Variants in WSB2 observed in about 807,000 individuals in gnomAD.
WSB2 encodes WD repeat and SOCS box-containing protein 2.
Under a neutral mutation model 48.8 loss-of-function variants are expected in WSB2, and 12 were observed. The observed-to-expected ratio is 0.25, with a 90% CI of 0.16 to 0.40. WSB2 has a LOEUF of 0.40. Among genes scored for constraint, WSB2 ranks in the 10% least tolerant of loss-of-function variants. The pLI, the probability that WSB2 is intolerant of heterozygous loss-of-function variation, is 1.00. For synonymous variants in WSB2, 191 were observed against 203.1 expected, an observed-to-expected ratio of 0.94 and a Z score of 0.51; for missense variants, 317 against 506.2, an observed-to-expected ratio of 0.63 and a Z score of 3.59.
At chr12:118,039,802 G>A (rs979612523) in intron 4 of WSB2, among the ~76,000 whole-genome samples, 6 of 151,430 alleles carry the variant, frequency 4.0e-5, no homozygotes, top group African/African-American at 1.5e-4. Flanking sequence ...GGAGTGCAAT[G>A]GCATGATCCC....
At chr12:118,037,509 A>G (rs2031539416) in intron 5 of WSB2, among the ~76,000 whole-genome samples, 1 of 152,108 alleles carries the variant, frequency 6.6e-6, no homozygotes, top group South Asian at 2.1e-4. Flanking sequence ...TCTACTAAAA[A>G]TACAAAAAAT....
chr12:118,049,462 C>G (rs957328381), intron 2 of WSB2, among the ~76,000 whole-genome samples: 9 of 151,590 alleles, frequency 5.9e-5, no homozygotes, highest in African/African-American at 2.2e-4. Context: ...AGTGCAGTGG[C>G]GCGATCTCAG....
intron 1 of WSB2, among the ~76,000 whole-genome samples, chr12:118,053,641 C>G (rs2031897228): frequency 2.6e-5 from 4 of 152,120 alleles, no homozygotes; most frequent in Admixed American, 6.6e-5. Context: ...ATTGACTGAC[C>G]CACAGTTCCT....
chr12:118,046,497 T>A (rs1444900104), intron 2 of WSB2, among the ~76,000 whole-genome samples: 1 of 151,458 alleles, frequency 6.6e-6, no homozygotes, highest in African/African-American at 2.4e-5. Context: ...AGAAAAAATT[T>A]GTCAACCTCT....
chr12:118,042,921 C>T lies in WSB2; in HGVS notation c.479G>A (p.Ser160Asn), dbSNP rs2031667596. Residue 160 changes from serine (S) to asparagine (N), a missense_variant, in exon 4 of 9, where the codon AGC becomes AAC. Physicochemically the swap from Ser to Asn is conservative, Grantham distance 46. Transcript: ENST00000315436. ...AATCAAACTGCCACTGGGTGTGAAG[C>T]TCAGATCTCTCACGACATCTTGGTG... ...SGHQDVVRDL[S>N]FTPSGSLILV... 6.2e-7 allele frequency: 1 copy of T among 1,614,088 alleles called. No homozygotes were observed. The highest frequency in any genetic ancestry group is 1.7e-5 in the Admixed American group (1 of 60,002).
chr12:118,036,423 CGGG>C lies in WSB2; in HGVS notation c.745_747del (p.Pro249del), dbSNP rs1566135727. 2 of 1,614,008 alleles carry C rather than the reference CGGG, an allele frequency of 1.2e-6. No homozygotes were observed. The highest frequency in any genetic ancestry group is 1.7e-6 in the Non-Finnish European group (2 of 1,180,032). On this transcript the variant is annotated inframe_deletion, in exon 6 of 9. Transcript: ENST00000315436. ...GAAGCCGTGACAAGCAGGGCAGAGTCGGGGGAGAAGTCACAAGAGACAACACTG... is the reference window on the plus strand; with the variant it reads ...GAAGCCGTGACAAGCAGGGCAGAGTCGGAGAAGTCACAAGAGACAACACTG...
At chr12:118,054,252 AT>A (rs2031911053) in intron 1 of WSB2, among the ~76,000 whole-genome samples, 3 of 150,186 alleles carry the variant, frequency 2.0e-5, no homozygotes, top group South Asian at 4.2e-4. Flanking sequence ...TTAGCCAGAC[AT>A]GGTGGCGGGC....
intron 8 of WSB2, chr12:118,034,601 C>T (rs1249029216): frequency 2.1e-5 from 11 of 534,868 alleles, no homozygotes; most frequent in Non-Finnish European, 2.9e-5. Context: ...CTCGGCACAG[C>T]CCTTTCTAAA....
rs753957866 is a variant in WSB2 at position 118,043,124 on chromosome 12, A to G, written c.427+9T>C. The G allele has an allele frequency of 2.5e-6, 4 of 1,614,162 alleles. No homozygotes were observed. The highest frequency in any genetic ancestry group is 3.4e-6 in the Non-Finnish European group (4 of 1,180,002). On this transcript the variant is annotated intron_variant, in intron 3 of 8. Transcript: ENST00000315436. ...TCCCAGAACCTTGTGCCAGCCAGGA[A>G]TGACCTACCTGTCTGCACCTCCCAG...
At chr12:118,035,555 G>A (rs2031492698) in intron 6 of WSB2, 1 of 501,394 alleles carries the variant, frequency 2.0e-6, no homozygotes, top group Non-Finnish European at 3.6e-6. Context: ...GTGCTAATTT[G>A]CTTATGCAAA....
intron 2 of WSB2, among the ~76,000 whole-genome samples, chr12:118,047,729 C>T (rs550521129): frequency 7.3e-5 from 11 of 151,680 alleles, no homozygotes; most frequent in South Asian, 2.1e-4. Context: ...CCAAAAAGCC[C>T]GATTATTTTA....
intron 2 of WSB2, among the ~76,000 whole-genome samples, chr12:118,047,787 G>A (rs898259139): frequency 8.5e-5 from 13 of 152,152 alleles, no homozygotes; most frequent in African/African-American, 1.9e-4. Flanking sequence ...TGGGAGAAAT[G>A]TGAAAATGAG....
At chr12:118,037,068 G>T (rs2031528223) in intron 5 of WSB2, among the ~76,000 whole-genome samples, 1 of 152,180 alleles carries the variant, frequency 6.6e-6, no homozygotes. Context: ...TGTAAGCCCA[G>T]CTATTTGGGA....
chr12:118,042,879 C>T lies in WSB2; in HGVS notation c.521G>A (p.Arg174Gln). ...SGSLILVSAS[R>Q]DKTLRIWDLN... is the part of the protein sequence containing the mutation. Reference sequence around the variant, plus strand: ...GTCCCAGATGCGAAGAGTCTTATCCCGTGACGCGGAGACCAAAATCAAACT... The same window carrying T: ...GTCCCAGATGCGAAGAGTCTTATCCTGTGACGCGGAGACCAAAATCAAACT... The change falls in exon 4 of 9, where the codon CGG becomes CAG. Residue 174 changes from arginine to glutamine, a missense_variant. Transcript: ENST00000315436. 2 of 1,614,184 alleles carry T rather than the reference C, an allele frequency of 1.2e-6. No individual in the cohort carries two copies. Among genetic ancestry groups the T allele is most frequent in the East Asian group, 2.2e-5 (1 of 44,880 alleles).
Position 118,033,841 on chromosome 12 carries a change from TAG to T in WSB2, c.*353_*354del, listed in dbSNP as rs2031435812. 3.7e-6 allele frequency: 1 copy of T among 267,844 alleles called. No individual in the cohort carries two copies. The allele number at this position is 267,844 out of a possible 1,614,324, so 16.6% of individuals were successfully genotyped here. A position where few individuals can be genotyped will look rare whatever the true frequency, so the allele number is the denominator to read the frequency against. On this transcript the variant is annotated 3_prime_UTR_variant, in exon 9 of 9. Transcript: ENST00000315436. ...GAGGGAGTGTGAGCTGCTCTGCCACTAGAGAGGCTCTGGAGGCCTACTTAGTT... is the reference window on the plus strand; with the variant it reads ...GAGGGAGTGTGAGCTGCTCTGCCACTAGAGGCTCTGGAGGCCTACTTAGTT...
In WSB2 at chr12:118,042,984, G is replaced by A. The variant is rs745656332; in HGVS notation, c.428-12C>T. The A allele has an allele frequency of 4.3e-6, 7 of 1,614,070 alleles. No individual in the cohort carries two copies. Among genetic ancestry groups the A allele is most frequent in the Non-Finnish European group, 5.1e-6 (6 of 1,179,978 alleles). ...CAAAAGCAGGAGCCCTGGCATGGGA[G>A]CAGGGGCACTGAGTCAGCCAGAGAG... On this transcript the variant is annotated splice_polypyrimidine_tract_variant and intron_variant, in intron 3 of 8. Coordinates refer to ENST00000315436, the MANE Select transcript of WSB2 (RefSeq NM_018639.5).
At chr12:118,043,674 T>C (rs923323888) in intron 2 of WSB2, among the ~76,000 whole-genome samples, 1 of 152,146 alleles carries the variant, frequency 6.6e-6, no homozygotes. Context: ...CTCAAACTCC[T>C]GAGCTCAAGT....
At chr12:118,042,782 G>T (rs988943353) in intron 4 of WSB2, 59 bp downstream of exon 4, 1 of 1,577,892 alleles carries the variant, frequency 6.3e-7, no homozygotes, top group Non-Finnish European at 8.6e-7. Context: ...CACTGGTAAA[G>T]TGGAGAAAGC....
intron 2 of WSB2, among the ~76,000 whole-genome samples, chr12:118,046,635 G>A (rs2031752640): frequency 6.6e-6 from 1 of 152,206 alleles, no homozygotes; most frequent in Admixed American, 6.6e-5. Context: ...TCTGGCCCTG[G>A]CACTGGCCCC....
Sources: gnomAD v4.1 joint callset for allele counts (sites outside exome capture counted in the v4.1 genomes callset) on GRCh38, gnomAD v4.1.1 for gene constraint, MANE v1.5 for transcripts, NCBI Gene and HGNC (gene_info 2026-07-23, HGNC 2026-07-21) for gene names.